The following NLGN1 variants were observed in gnomAD, a reference collection of about 807,000 sequenced individuals.
The protein encoded by NLGN1 is neuroligin-1.
NLGN1 carries 12 observed loss-of-function variants against 65.5 expected under a neutral mutation model. The observed-to-expected ratio is 0.18, with a 90% confidence interval of 0.12 to 0.30. NLGN1 has a LOEUF of 0.30. Among genes scored for constraint, NLGN1 ranks in the 10% least tolerant of loss-of-function variants. The pLI, the probability that NLGN1 is intolerant of heterozygous loss-of-function variation, is 1.00. For missense variants in NLGN1, 750 were observed against 1,007.1 expected (o/e 0.74, Z 3.46); for synonymous variants, 350 against 359.5 (o/e 0.97, Z 0.30).
At chr3:174,261,413 T>G (rs1477791071) in intron 4 of NLGN1, among the ~76,000 whole-genome samples, 43 of 147,990 alleles carry the variant, frequency 2.9e-4, no homozygotes, top group African/African-American at 1.1e-3. Context: ...CCCTTGTAAG[T>G]TGGATTCCTA....
intron 3 of NLGN1, among the ~76,000 whole-genome samples, chr3:173,780,007 C>G (rs1427569859): frequency 6.6e-6 from 1 of 152,130 alleles, no homozygotes; most frequent in Non-Finnish European, 1.5e-5. Context: ...CCTACAAGGT[C>G]TGTGAGTCAG....
intron 3 of NLGN1, among the ~76,000 whole-genome samples, chr3:173,682,423 A>G (rs1335412819): frequency 6.6e-6 from 1 of 151,814 alleles, no homozygotes; most frequent in Non-Finnish European, 1.5e-5. Context: ...CCCCATCTGT[A>G]CTAAAAATAC....
At chr3:173,593,113 C>G (rs1406180370) in intron 2 of NLGN1, among the ~76,000 whole-genome samples, 1 of 152,116 alleles carries the variant, frequency 6.6e-6, no homozygotes, top group Non-Finnish European at 1.5e-5. Flanking sequence ...CTTAAATCTC[C>G]CCTCAAAATA....
At chr3:173,870,817 C>T (rs962226842) in intron 4 of NLGN1, among the ~76,000 whole-genome samples, 5 of 152,146 alleles carry the variant, frequency 3.3e-5, no homozygotes, top group African/African-American at 1.2e-4. Flanking sequence ...GCTACTAAAA[C>T]TATTGTGAAG....
chr3:174,057,374 C>T (rs988225417), intron 4 of NLGN1, among the ~76,000 whole-genome samples: 3 of 152,008 alleles, frequency 2.0e-5, no homozygotes, highest in Admixed American at 1.3e-4. Flanking sequence ...GAATGTGGCA[C>T]AAGGGCCTGC....
intron 4 of NLGN1, among the ~76,000 whole-genome samples, chr3:174,120,572 A>G (rs769024728): frequency 1.3e-5 from 2 of 152,174 alleles, no homozygotes; most frequent in Non-Finnish European, 1.5e-5. Flanking sequence ...TCATAAATTC[A>G]TTTATTAATT....
At chr3:173,829,937 G>T (rs554636284) in intron 4 of NLGN1, among the ~76,000 whole-genome samples, 1 of 149,180 alleles carries the variant, frequency 6.7e-6, no homozygotes, top group African/African-American at 2.5e-5. Context: ...TGATCCAAAC[G>T]TGCCCTGTTG....
intron 3 of NLGN1, among the ~76,000 whole-genome samples, chr3:173,660,887 T>C (rs1362735439): frequency 2.0e-5 from 3 of 151,980 alleles, no homozygotes; most frequent in Non-Finnish European, 2.9e-5. Context: ...AAAAGAAGTT[T>C]GGCTTAATTT....
intron 4 of NLGN1, among the ~76,000 whole-genome samples, chr3:173,822,349 G>T (rs1004482720): frequency 6.6e-6 from 1 of 152,070 alleles, no homozygotes; most frequent in Non-Finnish European, 1.5e-5. Flanking sequence ...CCCAGCAGGG[G>T]TGATTAATAA....
chr3:173,857,406 C>T (rs1437497009), intron 4 of NLGN1, among the ~76,000 whole-genome samples: 3 of 152,068 alleles, frequency 2.0e-5, no homozygotes, highest in Non-Finnish European at 2.9e-5. Flanking sequence ...CCTGAAACTC[C>T]CTCCCAGGTC....
At chr3:174,179,959 G>C (rs1730092271) in intron 4 of NLGN1, among the ~76,000 whole-genome samples, 2 of 152,016 alleles carry the variant, frequency 1.3e-5, no homozygotes, top group South Asian at 4.1e-4. Flanking sequence ...CGGATTTCGA[G>C]GGACATTCTT....
At chr3:173,665,100 G>A (rs1761512252) in intron 3 of NLGN1, among the ~76,000 whole-genome samples, 1 of 152,098 alleles carries the variant, frequency 6.6e-6, no homozygotes, top group Non-Finnish European at 1.5e-5. Flanking sequence ...GGTTGATATG[G>A]TCTGGCTCTG....
intron 4 of NLGN1, among the ~76,000 whole-genome samples, chr3:173,823,918 TTA>T (rs1720820057): frequency 1.3e-5 from 1 of 74,712 alleles, no homozygotes; most frequent in East Asian, 2.3e-4. Flanking sequence ...TCTTGTTAAT[TTA>T]AAAAAAAAAA....
At chr3:173,765,891 A>G (rs1778711988) in intron 3 of NLGN1, among the ~76,000 whole-genome samples, 1 of 152,018 alleles carries the variant, frequency 6.6e-6, no homozygotes, top group Admixed American at 6.6e-5. Flanking sequence ...GTCATTTACC[A>G]CTTCTTCCCT....
At chr3:173,897,809 T>G (rs1736593699) in intron 4 of NLGN1, among the ~76,000 whole-genome samples, 1 of 152,146 alleles carries the variant, frequency 6.6e-6, no homozygotes, top group African/African-American at 2.4e-5. Context: ...CTTCTCTCCT[T>G]GTCATGAACA....
chr3:174,099,054 A>G (rs1711774164), intron 4 of NLGN1, among the ~76,000 whole-genome samples: 1 of 152,208 alleles, frequency 6.6e-6, no homozygotes, highest in Admixed American at 6.5e-5. Flanking sequence ...GTGAAGATAA[A>G]TTATTAAAAC....
Position 173,882,984 on chromosome 3 carries a change from T to TTTTA in NLGN1, c.646+75153_646+75156dup, listed in dbSNP as rs781496613. Among the ~76,000 whole-genome samples, 376 of 147,408 alleles carry TTTTA rather than the reference T, an allele frequency of 2.6e-3. 1 individual carries two copies. Among genetic ancestry groups the TTTTA allele is most frequent in the Admixed American group, 3.8e-3 (56 of 14,670 alleles). The stretch of plus-strand genomic sequence containing the variant: ...ATTGAGGAGTTATTAATTGGCCTGA[T>TTTTA]TTTAATATTGCTGTTTCACTTACTG... On this transcript the variant is annotated intron_variant, in intron 4 of 6. Transcript: ENST00000457714.
rs115138930 is a variant in NLGN1, at chr3:173,785,330, T to C, written c.494-22350T>C. ...CTCTTTAGCATTTATTCCCCATCAA[T>C]ATATCTTGATAATTTCCACATCTTC... is the stretch of plus-strand genomic sequence containing the variant. On this transcript the variant is annotated intron_variant, in intron 3 of 6. Transcript: ENST00000457714. Among the ~76,000 whole-genome samples the C allele has an allele frequency of 7.7e-3, 1,176 of 152,322 alleles. 20 individuals are homozygous for C. Among genetic ancestry groups the C allele is most frequent in the African/African-American group, 0.026 (1,067 of 41,566 alleles).
chr3:174,223,575 T>G (rs1739052418), intron 4 of NLGN1, among the ~76,000 whole-genome samples: 1 of 152,148 alleles, frequency 6.6e-6, no homozygotes, highest in African/African-American at 2.4e-5. Flanking sequence ...CCCTGGCAAC[T>G]CTCAAATCAG....
Sources: allele counts gnomAD v4.1 joint callset (sites outside exome capture counted in the v4.1 genomes callset), GRCh38; gene constraint gnomAD v4.1.1; transcripts MANE v1.5; gene names NCBI Gene and HGNC (gene_info 2026-07-23, HGNC 2026-07-21).